CERS1: variants seen among roughly 807,000 people sequenced by gnomAD.
CERS1 encodes the protein ceramide synthase 1, also known as Embryonic growth/differentiation factor 1.
In CERS1, 16 loss-of-function variants were observed where a neutral mutation model predicts 35.7. The observed-to-expected ratio is 0.45, with a 90% CI of 0.30 to 0.68. The LOEUF (loss-of-function observed/expected upper bound fraction) is 0.68. Among genes scored for constraint, CERS1 ranks in the 30% least tolerant of loss-of-function variants. The probability of loss-of-function intolerance (pLI) is 0.08; values close to 1 mark genes in which losing one functional copy is unlikely to be tolerated. For synonymous variants in CERS1, 243 were observed against 201.6 expected (o/e 1.21, Z -1.74); for missense variants, 454 against 453.9 (o/e 1.00, Z 0.00).
intron 6 of CERS1, among the ~76,000 whole-genome samples, chr19:18,872,989 C>T (rs1353104665): frequency 2.0e-5 from 3 of 152,156 alleles, no homozygotes; most frequent in African/African-American, 7.2e-5. Flanking sequence ...TGGCTTCTAT[C>T]CACCACTGTG....
chr19:18,893,304 TCCTGGG>T, intron 2 of CERS1, 106 bp downstream of exon 2: 2 of 1,265,570 alleles, frequency 1.6e-6, no homozygotes, highest in Admixed American at 4.9e-5. Flanking sequence ...GGCCTCCAAC[TCCTGGG>T]CTCCAGTGAT....
chr19:18,872,093 A>G (rs2055980757), intron 6 of CERS1, among the ~76,000 whole-genome samples: 1 of 152,198 alleles, frequency 6.6e-6, no homozygotes, highest in Non-Finnish European at 1.5e-5. Flanking sequence ...TTAAGGTCTT[A>G]GGTTAGTTTC....
At chr19:18,872,800 C>T (rs773584553) in intron 6 of CERS1, among the ~76,000 whole-genome samples, 27 of 151,982 alleles carry the variant, frequency 1.8e-4, no homozygotes, top group Admixed American at 8.5e-4. Flanking sequence ...CAGGCGTGAG[C>T]GCCGCGCCTG....
rs1350293184 is a variant in CERS1 at position 18,884,086 on chromosome 19, C to A, written c.590+1G>T. 1.2e-6 allele frequency: 2 copies of A among 1,611,528 alleles called. No individual in the cohort carries two copies. The highest frequency in any genetic ancestry group is 1.7e-5 in the Admixed American group (1 of 59,806). ...CCCCTGCCACCCGATCCTGTCCTTA[C>A]CGGAAGGCGTAGGAGGAGACGATGA... On this transcript the variant is annotated splice_donor_variant, in intron 3 of 7. Coordinates refer to ENST00000623882, the MANE Select transcript of CERS1 (RefSeq NM_021267.5). LOFTEE classifies it high-confidence loss of function.
Position 18,870,344 on chromosome 19 carries a change from C to T in CERS1, c.*233G>A. The T allele has an allele frequency of 6.5e-7, 1 of 1,542,004 alleles. No individual in the cohort carries two copies. Among genetic ancestry groups the T allele is most frequent in the Non-Finnish European group, 8.7e-7 (1 of 1,145,586 alleles). On this transcript the variant is annotated 3_prime_UTR_variant, in exon 7 of 8. Transcript: ENST00000623882. This position sits in a 1 kb window ranked among gnomAD's most constrained non-coding sequence, Gnocchi z 5.1. ...GCGATGACCAGAGAGTGCGCAGGGT[C>T]CGCGGCGGCCCGGGACCAGTGGGCT...
intron 2 of CERS1, among the ~76,000 whole-genome samples, chr19:18,886,055 G>A (rs1040497367): frequency 6.6e-6 from 1 of 152,042 alleles, no homozygotes; most frequent in Non-Finnish European, 1.5e-5. Flanking sequence ...ACCCCACCAC[G>A]TCCACCTCCT....
intron 6 of CERS1, among the ~76,000 whole-genome samples, chr19:18,874,909 G>A (rs983851266): frequency 2.0e-5 from 3 of 152,140 alleles, no homozygotes; most frequent in Non-Finnish European, 2.9e-5. Flanking sequence ...AGTGGTTCTC[G>A]GTCTTGGTTT....
At chr19:18,874,209 A>C (rs924794610) in intron 6 of CERS1, among the ~76,000 whole-genome samples, 1 of 152,194 alleles carries the variant, frequency 6.6e-6, no homozygotes, top group African/African-American at 2.4e-5. Flanking sequence ...TTATCAGTGC[A>C]GGAGATGATG....
At chr19:18,894,065 G>C (rs2056564056) in intron 1 of CERS1, among the ~76,000 whole-genome samples, 3 of 151,244 alleles carry the variant, frequency 2.0e-5, no homozygotes, top group Admixed American at 2.0e-4. Context: ...AGGGCTGGGA[G>C]AGACTAGGGG....
chr19:18,877,990 T>TG (rs906831960), intron 6 of CERS1: 26 of 985,192 alleles, frequency 2.6e-5, no homozygotes, highest in South Asian at 9.4e-5. Context: ...CCAAACAGGG[T>TG]GGGGGGTCTG....
In CERS1 at chr19:18,868,796, G is replaced by A. The variant is rs764119124; in HGVS notation, c.*1189C>T. On this transcript the variant is annotated 3_prime_UTR_variant, in exon 8 of 8. Coordinates refer to ENST00000623882, the MANE Select transcript of CERS1 (RefSeq NM_021267.5). ...GAGCGCCGGCGGCCCCCCGGACCCC[G>A]ACAGCGCGACGGGCAGCGCGCACTG... 2.1e-6 allele frequency: 3 copies of A among 1,457,710 alleles called. No individual in the cohort carries two copies. Among genetic ancestry groups the A allele is most frequent in the South Asian group, 1.2e-5 (1 of 80,342 alleles). The allele number at this position is 1,457,710 out of a possible 1,614,324, so 90.3% of individuals were successfully genotyped here. A position where few individuals can be genotyped will look rare whatever the true frequency, so the allele number is the denominator to read the frequency against.
chr19:18,884,363 C>T (rs2056296842), intron 2 of CERS1, 96 bp from the exon 3 acceptor site: 1 of 1,158,108 alleles, frequency 8.6e-7, no homozygotes, highest in Non-Finnish European at 1.2e-6. Context: ...ACGTGTCCTC[C>T]CAGTACCCAG....
At chr19:18,882,616 G>A (rs868393196) in intron 3 of CERS1, among the ~76,000 whole-genome samples, 1 of 151,564 alleles carries the variant, frequency 6.6e-6, no homozygotes, top group Non-Finnish European at 1.5e-5. Context: ...CAGCCTGGGC[G>A]ACAGAGCGAG....
rs1443640287 is a variant in CERS1 at position 18,870,407 on chromosome 19, TG to T, written c.*169del. The T allele has an allele frequency of 6.5e-6, 7 of 1,084,320 alleles. No homozygotes were observed. Among genetic ancestry groups the T allele is most frequent in the Middle Eastern group, 3.2e-4 (1 of 3,092 alleles). The allele number at this position is 1,084,320 out of a possible 1,614,324, so 67.2% of individuals were successfully genotyped here. A position where few individuals can be genotyped will look rare whatever the true frequency, so the allele number is the denominator to read the frequency against. ...GGTGTCCCCGGAGGGGCAGGGGTCC[TG>T]GGGGGCGTGGCCGGGAACTGGAGGC... On this transcript the variant is annotated 3_prime_UTR_variant, in exon 7 of 8. Coordinates refer to ENST00000623882, the MANE Select transcript of CERS1 (RefSeq NM_021267.5). This position sits in a 1 kb window ranked among gnomAD's most constrained non-coding sequence, Gnocchi z 5.1.
intron 4 of CERS1, among the ~76,000 whole-genome samples, 162 bp from the exon 5 acceptor site, chr19:18,879,550 T>A (rs1384773277): frequency 6.9e-6 from 1 of 144,764 alleles, no homozygotes; most frequent in Non-Finnish European, 1.5e-5. Flanking sequence ...TCCCCTGCCA[T>A]GCCCCGCCCA....
At chr19:18,894,526 C>T (rs1052989321) in intron 1 of CERS1, among the ~76,000 whole-genome samples, 25 of 152,090 alleles carry the variant, frequency 1.6e-4, no homozygotes, top group Non-Finnish European at 2.1e-4. Flanking sequence ...GGAGGGCCCC[C>T]GGGGCTCGGC....
Position 18,895,725 on chromosome 19 carries a change from C to A in CERS1, c.249+99G>T. On this transcript the variant is annotated intron_variant, in intron 1 of 7. Coordinates refer to ENST00000623882, the MANE Select transcript of CERS1 (RefSeq NM_021267.5). The surrounding 1 kb of genome is among the most constrained non-coding windows in gnomAD (Gnocchi z 6.4). ...CCGGCGACCCCTTCATCCGCAGCAG[C>A]CAGCGCTGGAAGAAAGGAACGCGCC... 1 of 610,262 alleles carries A rather than the reference C, an allele frequency of 1.6e-6. No homozygotes were observed. Among genetic ancestry groups the A allele is most frequent in the East Asian group, 6.1e-5 (1 of 16,398 alleles). 37.8% of individuals were successfully genotyped at this position (610,262 alleles called of 1,614,324 possible).
Position 18,887,785 on chromosome 19 carries a change from A to G in CERS1, c.410-3518T>C, listed in dbSNP as rs368999565. Among the ~76,000 whole-genome samples, 9 of 152,208 alleles carry G rather than the reference A, an allele frequency of 5.9e-5. No individual in the cohort carries two copies. In the South Asian group the frequency reaches 1.9e-3, roughly 32 times the overall value. On this transcript the variant is annotated intron_variant, in intron 2 of 7. Coordinates refer to ENST00000623882, the MANE Select transcript of CERS1 (RefSeq NM_021267.5). ...AAATTGTGTTAAGATTTATATGGCA[A>G]AAACTTACCATCTAAGCCATTTGTT...
rs1011691382 is a variant in CERS1 at position 18,870,156 on chromosome 19, C to A, written c.*421G>T. On this transcript the variant is annotated 3_prime_UTR_variant, in exon 7 of 8. Transcript: ENST00000623882. This position sits in a 1 kb window ranked among gnomAD's most constrained non-coding sequence, Gnocchi z 5.1. ...GGGAACCGGCCGGAGCCTGGGGGCA[C>A]CCTGGGGCTCATCGCGCAGTCCTAG... 59 of 1,562,664 alleles carry A rather than the reference C, an allele frequency of 3.8e-5. No homozygotes were observed. The highest frequency in any genetic ancestry group is 5.0e-5 in the Non-Finnish European group (58 of 1,160,162).
Sources: allele counts gnomAD v4.1 joint callset (sites outside exome capture counted in the v4.1 genomes callset), GRCh38; gene constraint gnomAD v4.1.1; non-coding constraint Gnocchi (gnomAD v3.1); transcripts MANE v1.5; gene names NCBI Gene and HGNC (gene_info 2026-07-23, HGNC 2026-07-21).